CACNA1B: variants seen among roughly 807,000 people sequenced by gnomAD.
CACNA1B encodes calcium voltage-gated channel subunit alpha1 B.
CACNA1B carries 70 observed loss-of-function variants against 247.2 expected under a neutral mutation model. The observed-to-expected ratio is 0.28, with a 90% CI of 0.23 to 0.35. The LOEUF (loss-of-function observed/expected upper bound fraction) is 0.35, where lower values mean the gene tolerates loss of function less well. Ranked by LOEUF, CACNA1B falls within the 10% of genes least tolerant of loss-of-function variation. The pLI is 1.00. For missense variants in CACNA1B, 2,367 were observed against 3,197.4 expected (o/e 0.74, Z 6.26); for synonymous variants, 1,231 against 1,294.4 (o/e 0.95, Z 1.05).
intron 3 of CACNA1B, among the ~76,000 whole-genome samples, chr9:137,889,273 C>G (rs116578941): frequency 1.3e-5 from 2 of 150,252 alleles, no homozygotes; most frequent in Non-Finnish European, 3.0e-5. Context: ...GACTGCAGCC[C>G]TGCGGGAGGT....
At chr9:137,963,172 C>T (rs535119228) in intron 10 of CACNA1B, among the ~76,000 whole-genome samples, 230 of 152,102 alleles carry the variant, frequency 1.5e-3, no homozygotes, top group Non-Finnish European at 3.0e-3. Flanking sequence ...GGTGATTTAA[C>T]GTCTGTTTTG....
At chr9:137,966,686 G>C (rs1246564987) in intron 10 of CACNA1B, among the ~76,000 whole-genome samples, 2 of 151,464 alleles carry the variant, frequency 1.3e-5, no homozygotes, top group African/African-American at 2.4e-5. Context: ...CTACAGGCAC[G>C]TGCCACCACG....
At chr9:138,105,215 C>T (rs1961380074) in intron 38 of CACNA1B, among the ~76,000 whole-genome samples, 1 of 152,228 alleles carries the variant, frequency 6.6e-6, no homozygotes. Context: ...CCTGTAGGGG[C>T]CCCCACTGGG....
chr9:137,934,165 A>G (rs1430930113), intron 6 of CACNA1B, among the ~76,000 whole-genome samples: 5 of 152,230 alleles, frequency 3.3e-5, no homozygotes, highest in Non-Finnish European at 7.3e-5. Flanking sequence ...TTAAACAGGT[A>G]CTTCACTGTT....
chr9:137,960,587 A>G (rs1279291207), intron 10 of CACNA1B, among the ~76,000 whole-genome samples: 1 of 151,820 alleles, frequency 6.6e-6, no homozygotes, highest in Non-Finnish European at 1.5e-5. Context: ...CCTCTGGGAA[A>G]GGACATTCCA....
At chr9:137,889,154 A>G (rs1279055213) in intron 3 of CACNA1B, among the ~76,000 whole-genome samples, 7 of 150,156 alleles carry the variant, frequency 4.7e-5, no homozygotes, top group Admixed American at 2.7e-4. Flanking sequence ...GTGACAAGAG[A>G]CACTGTGCCC....
intron 31 of CACNA1B, among the ~76,000 whole-genome samples, chr9:138,061,192 TCTGG>T (rs2133511008): frequency 6.6e-6 from 1 of 152,300 alleles, no homozygotes; most frequent in East Asian, 1.9e-4. Flanking sequence ...GGTCAGATGA[TCTGG>T]CTGGCATGGA....
At position 137,971,409 on chromosome 9, in the gene CACNA1B, A is replaced by G; in HGVS notation, c.1360A>G (p.Lys454Glu). 6.2e-7 allele frequency: 1 copy of G among 1,613,162 alleles called. No individual in the cohort carries two copies. Among genetic ancestry groups the G allele is most frequent in the South Asian group, 1.1e-5 (1 of 90,850 alleles). Residue 454 changes from lysine (K) to glutamate (E), a missense_variant, in exon 11 of 47, where the codon AAG becomes GAG. Transcript: ENST00000371372. This position sits in a 1 kb window ranked among gnomAD's most constrained non-coding sequence, Gnocchi z 4.4. ...ATCCCCCTTCGCCCGCGCCAGCCTC[A>G]AGAGCGGGAAGACAGAGAGCTCGTC... ...VGSPFARASL[K>E]SGKTESSSYF...
intron 24 of CACNA1B, 87 bp downstream of exon 24, chr9:138,049,402 T>C (rs1420727199): frequency 3.4e-6 from 3 of 884,744 alleles, no homozygotes; most frequent in Non-Finnish European, 5.7e-6. Context: ...AGAGGCCCTC[T>C]TGTGGGCTTC....
chr9:138,092,029 A>T (rs10124205), intron 36 of CACNA1B, among the ~76,000 whole-genome samples: 40,702 of 152,076 alleles, frequency 0.27, 7,064 homozygotes, highest in East Asian at 0.55. Flanking sequence ...AGGGAGTAAG[A>T]CACAAAGAGC....
chr9:138,015,372 G>A (rs908053027), intron 18 of CACNA1B, among the ~76,000 whole-genome samples: 1 of 152,202 alleles, frequency 6.6e-6, no homozygotes, highest in Admixed American at 6.5e-5. Context: ...ACCTGGCGAG[G>A]CCTGGCCCTG....
chr9:137,921,787 G>T (rs1957483910), intron 6 of CACNA1B, among the ~76,000 whole-genome samples: 1 of 148,268 alleles, frequency 6.7e-6, no homozygotes. Flanking sequence ...CGTCCTGGGA[G>T]CAGAGTAAAG....
chr9:137,989,568 T>G (rs980777938), intron 15 of CACNA1B, among the ~76,000 whole-genome samples: 1 of 152,164 alleles, frequency 6.6e-6, no homozygotes, highest in Non-Finnish European at 1.5e-5. Flanking sequence ...AAAAATAGAT[T>G]TCCTACAAAA....
chr9:137,979,377 A>G (rs977910869), intron 12 of CACNA1B, among the ~76,000 whole-genome samples: 3 of 152,102 alleles, frequency 2.0e-5, no homozygotes, highest in Non-Finnish European at 4.4e-5. Context: ...AGGCTGCCGG[A>G]GTGTCCTCAG....
intron 11 of CACNA1B, among the ~76,000 whole-genome samples, chr9:137,972,799 C>G (rs750520378): frequency 6.6e-6 from 1 of 152,154 alleles, no homozygotes; most frequent in Non-Finnish European, 1.5e-5. Flanking sequence ...TGCGGAGGGG[C>G]AGAAGCAAAA....
At chr9:137,984,005 G>A in intron 12 of CACNA1B, 133 bp from the exon 13 acceptor site, 1 of 688,350 alleles carries the variant, frequency 1.5e-6, no homozygotes, top group South Asian at 1.7e-5. Context: ...TACCATATCT[G>A]GCTTGATTGT....
At chr9:138,092,888 G>A (rs1037919983) in intron 36 of CACNA1B, among the ~76,000 whole-genome samples, 1 of 152,174 alleles carries the variant, frequency 6.6e-6, no homozygotes, top group African/African-American at 2.4e-5. Flanking sequence ...ACAAGCTCCT[G>A]CACAGCCAGT....
rs201160164 is a variant in CACNA1B, at chr9:138,118,660, C to A, written c.5922C>A (p.Asp1974Glu). ...GAGTGCTGTATCCACAGGCTGTGGA[C>A]GTTCAGATGCAGAGCATAACCCGGA... ...PVGRSGALAV[D>E]VQMQSITRRG... The change falls in exon 44 of 47, where the codon GAC becomes GAA. Residue 1974 changes from aspartate to glutamate, a missense_variant. Around this residue, in one of 12 missense-constraint regions of CACNA1B, gnomAD observed 773 missense variants for 779.4 expected, o/e 0.99. Transcript: ENST00000371372. The A allele has an allele frequency of 4.0e-6, 6 of 1,518,430 alleles. No homozygotes were observed. Among genetic ancestry groups the A allele is most frequent in the Non-Finnish European group, 4.5e-6 (5 of 1,112,254 alleles). 94.1% of individuals were successfully genotyped at this position (1,518,430 alleles called of 1,614,324 possible).
At position 137,971,149 on chromosome 9, in the gene CACNA1B, A is replaced by C. The variant is rs989899055; in HGVS notation, c.1334-234A>C. Among the ~76,000 whole-genome samples the C allele has an allele frequency of 5.3e-5, 8 of 152,166 alleles. No individual in the cohort carries two copies. Among genetic ancestry groups the C allele is most frequent in the African/African-American group, 1.7e-4 (7 of 41,418 alleles). On this transcript the variant is annotated intron_variant, in intron 10 of 46. Coordinates refer to ENST00000371372, the MANE Select transcript of CACNA1B (RefSeq NM_000718.4). This position sits in a 1 kb window ranked among gnomAD's most constrained non-coding sequence, Gnocchi z 4.4. ...TGCTGGGGACCAGAGAAGTGAGTAC[A>C]GATCATCCACTTCAATCTGGCTCTC...
Sources: gnomAD v4.1 joint callset for allele counts (sites outside exome capture counted in the v4.1 genomes callset) on GRCh38, gnomAD v4.1.1 for gene constraint, gnomAD v4.1.1 regional missense constraint, Gnocchi (gnomAD v3.1) non-coding constraint, MANE v1.5 for transcripts, NCBI Gene and HGNC (gene_info 2026-07-23, HGNC 2026-07-21) for gene names.